The following PPARGC1A variants were observed in gnomAD, a reference collection of about 807,000 sequenced individuals.
The protein encoded by PPARGC1A is PPARG coactivator 1 alpha.
In PPARGC1A, 25 loss-of-function variants were observed where a neutral mutation model predicts 88.7. The observed-to-expected ratio is 0.28, with a 90% CI of 0.21 to 0.39. PPARGC1A has a LOEUF of 0.39. Ranked by LOEUF, PPARGC1A falls within the 10% of genes least tolerant of loss-of-function variation. PPARGC1A has a pLI of 1.00. For missense variants in PPARGC1A, 880 were observed against 968.7 expected, an observed-to-expected ratio of 0.91 and a Z score of 1.22; for synonymous variants, 363 against 355.6, an observed-to-expected ratio of 1.02 and a Z score of -0.24.
intron 5 of PPARGC1A, 51 bp downstream of exon 5, chr4:23,828,349 T>G: frequency 1.3e-6 from 2 of 1,541,542 alleles, no homozygotes; most frequent in Non-Finnish European, 1.8e-6. Flanking sequence ...TGCATGTGCT[T>G]TCTTTGCTTC....
the PPARGC1A span, among the ~76,000 whole-genome samples, chr4:24,090,923 A>G: frequency 6.6e-6 from 1 of 152,254 alleles, no homozygotes; most frequent in East Asian, 1.9e-4. Flanking sequence ...AACTGCTTCT[A>G]CACCAAAATG....
At chr4:24,194,606 GCACACACGCGCGCGCACGCGCGCGCACA>G in the PPARGC1A span, among the ~76,000 whole-genome samples, 1 of 93,694 alleles carries the variant, frequency 1.1e-5, no homozygotes, top group Non-Finnish European at 2.8e-5. Context: ...CAGTGGGCTG[GCACACACGCGCGCGCACGCGCGCGCACA>G]CACACACACA....
chr4:24,261,589 A>C, the PPARGC1A span, among the ~76,000 whole-genome samples: 93 of 152,356 alleles, frequency 6.1e-4, no homozygotes, highest in African/African-American at 2.1e-3. Flanking sequence ...GTGGTCCAAC[A>C]AAATAAATGT....
rs552220456 is a variant in PPARGC1A, at chr4:23,828,458, T to C, written c.699A>G (p.Arg233=). 19 of 1,614,122 alleles carry C rather than the reference T, an allele frequency of 1.2e-5. No individual in the cohort carries two copies. In the African/African-American group the frequency reaches 2.4e-4, roughly 20 times the overall value. Residue 233 remains arginine, a synonymous_variant, in exon 5 of 13, where the codon AGA becomes AGG. Coordinates refer to ENST00000264867, the MANE Select transcript of PPARGC1A (RefSeq NM_013261.5). ...ACTTCTTTTTGGAGGTGCATTTGTC[T>C]CTGCTGCTGTTTCTGTTCTCTGTGG... ...TKPTENRNSS[R]DKCTSKKKSH...
At chr4:24,217,794 C>T in the PPARGC1A span, among the ~76,000 whole-genome samples, 1 of 151,838 alleles carries the variant, frequency 6.6e-6, no homozygotes, top group Non-Finnish European at 1.5e-5. Flanking sequence ...CAGAGTGAGA[C>T]TCCATCATGA....
chr4:23,892,807 T>A (rs764341537), upstream of PPARGC1A, among the ~76,000 whole-genome samples: 32 of 152,112 alleles, frequency 2.1e-4, no homozygotes, highest in Admixed American at 6.6e-4. Context: ...CAAGAAAGCA[T>A]ATGACATGGA....
chr4:24,454,892 T>G, the PPARGC1A span, among the ~76,000 whole-genome samples: 1 of 131,270 alleles, frequency 7.6e-6, no homozygotes, highest in African/African-American at 3.1e-5. Flanking sequence ...CATCCATGAG[T>G]AGATTGTCAC....
the PPARGC1A span, among the ~76,000 whole-genome samples, chr4:24,126,302 C>CACACACACACACACACAG: frequency 6.7e-6 from 1 of 150,288 alleles, no homozygotes; most frequent in African/African-American, 2.4e-5. Context: ...CACACACACA[C>CACACACACACACACACAG]AGTCATTTTT....
At chr4:24,031,982 C>T in the PPARGC1A span, among the ~76,000 whole-genome samples, 1 of 152,200 alleles carries the variant, frequency 6.6e-6, no homozygotes, top group Admixed American at 6.5e-5. Flanking sequence ...GCAGAAGCCC[C>T]AGGCCTCTTG....
the PPARGC1A span, among the ~76,000 whole-genome samples, chr4:24,295,458 AT>A: frequency 6.6e-6 from 1 of 152,060 alleles, no homozygotes; most frequent in Non-Finnish European, 1.5e-5. Context: ...ACAGGATGCT[AT>A]TGGAGTTTGT....
At chr4:23,993,637 C>G in the PPARGC1A span, among the ~76,000 whole-genome samples, 3 of 152,072 alleles carry the variant, frequency 2.0e-5, no homozygotes, top group African/African-American at 4.8e-5. Flanking sequence ...AGGTAAACAA[C>G]TTGCCCAAAG....
the PPARGC1A span, among the ~76,000 whole-genome samples, chr4:24,279,748 G>A: frequency 2.0e-5 from 3 of 152,036 alleles, no homozygotes; most frequent in Non-Finnish European, 4.4e-5. Context: ...TCACGCTCTC[G>A]GCTGGCATGG....
the PPARGC1A span, among the ~76,000 whole-genome samples, chr4:24,188,196 A>G: frequency 6.6e-6 from 1 of 152,060 alleles, no homozygotes; most frequent in African/African-American, 2.4e-5. Flanking sequence ...GGGGAGAAAA[A>G]TGGTACCAGA....
At chr4:24,206,359 T>C in the PPARGC1A span, among the ~76,000 whole-genome samples, 3 of 152,170 alleles carry the variant, frequency 2.0e-5, no homozygotes, top group Non-Finnish European at 4.4e-5. Flanking sequence ...AATAGAAAAA[T>C]GTCTCAATTA....
In PPARGC1A at chr4:23,851,761, A is replaced by G. The variant is rs1412347600; in HGVS notation, c.235-20010T>C. Among the ~76,000 whole-genome samples, 3 of 152,178 alleles carry G rather than the reference A, an allele frequency of 2.0e-5. No homozygotes were observed. The East Asian group carries it at 5.8e-4, about 29-fold the overall frequency. On this transcript the variant is annotated intron_variant, in intron 2 of 12. Transcript: ENST00000264867. ...CCTTTTTATTGTCTCATGTTTCACT[A>G]GTTACACCAAAGATTCTCTGAGATT...
the PPARGC1A span, among the ~76,000 whole-genome samples, chr4:24,123,667 A>G: frequency 1.3e-5 from 2 of 152,182 alleles, no homozygotes; most frequent in African/African-American, 4.8e-5. Context: ...AGTGGTTCAA[A>G]GTCAAGGTTA....
the PPARGC1A span, among the ~76,000 whole-genome samples, chr4:24,146,776 C>G: frequency 6.6e-6 from 1 of 152,228 alleles, no homozygotes; most frequent in Non-Finnish European, 1.5e-5. Context: ...CACCTTCTGA[C>G]AGTGTCCTCT....
At chr4:24,318,433 C>T in the PPARGC1A span, among the ~76,000 whole-genome samples, 1 of 152,160 alleles carries the variant, frequency 6.6e-6, no homozygotes, top group African/African-American at 2.4e-5. Flanking sequence ...TTGAGCAATC[C>T]AAGATCCAAA....
At chr4:24,219,837 T>C in the PPARGC1A span, among the ~76,000 whole-genome samples, 1 of 152,136 alleles carries the variant, frequency 6.6e-6, no homozygotes, top group East Asian at 1.9e-4. Flanking sequence ...ATCCGTCCTG[T>C]TGAGAAGCCC....
Sources: gnomAD v4.1 joint callset for allele counts (sites outside exome capture counted in the v4.1 genomes callset) on GRCh38, gnomAD v4.1.1 for gene constraint, MANE v1.5 for transcripts, NCBI Gene and HGNC (gene_info 2026-07-23, HGNC 2026-07-21) for gene names.